HERC3: variants seen among roughly 807,000 people sequenced by gnomAD.
HERC3 encodes the protein probable E3 ubiquitin-protein ligase HERC3.
A neutral mutation model predicts 129.9 loss-of-function variants in HERC3; 58 were observed. The observed-to-expected ratio is 0.45, with a 90% CI of 0.36 to 0.56. The LOEUF (loss-of-function observed/expected upper bound fraction) is 0.56. Among genes scored for constraint, HERC3 ranks in the 20% least tolerant of loss-of-function variants. The pLI, the probability that HERC3 is intolerant of heterozygous loss-of-function variation, is 0.00. For synonymous variants in HERC3, 430 were observed against 451.0 expected (o/e 0.95, Z 0.59); for missense variants, 835 against 1,244.2 (o/e 0.67, Z 4.95).
intron 16 of HERC3, among the ~76,000 whole-genome samples, chr4:88,675,397 T>C (rs1382779222): frequency 1.3e-5 from 2 of 152,200 alleles, no homozygotes; most frequent in Non-Finnish European, 2.9e-5. Flanking sequence ...ACTAATTTTG[T>C]TTAGGATATC....
chr4:88,621,951 C>T (rs1386458171), intron 3 of HERC3, among the ~76,000 whole-genome samples: 1 of 152,196 alleles, frequency 6.6e-6, no homozygotes, highest in African/African-American at 2.4e-5. Context: ...ACCCATCCTC[C>T]ACTGTGACAC....
chr4:88,614,416 C>T (rs78954059), intron 3 of HERC3, among the ~76,000 whole-genome samples: 193 of 152,242 alleles, frequency 1.3e-3, no homozygotes, highest in African/African-American at 4.0e-3. Flanking sequence ...TATTGTCAAA[C>T]TTGTTTACAT....
chr4:88,663,910 G>A (rs1030771027), intron 11 of HERC3, among the ~76,000 whole-genome samples: 6 of 152,050 alleles, frequency 3.9e-5, no homozygotes, highest in African/African-American at 1.4e-4. Context: ...GGGACAAGAG[G>A]TTTTCTTTCA....
intron 3 of HERC3, among the ~76,000 whole-genome samples, chr4:88,634,733 A>G (rs1174749075): frequency 2.1e-5 from 3 of 145,952 alleles, no homozygotes; most frequent in African/African-American, 5.1e-5. Flanking sequence ...CAGACATCCT[A>G]TACAGGAGCA....
the HERC3 span, among the ~76,000 whole-genome samples, chr4:88,525,636 G>A: frequency 1.3e-5 from 2 of 152,194 alleles, no homozygotes; most frequent in African/African-American, 4.8e-5. Flanking sequence ...AGAATAGAGA[G>A]TAACAGCAAA....
intron 3 of HERC3, among the ~76,000 whole-genome samples, chr4:88,610,601 C>T (rs984124150): frequency 1.3e-5 from 2 of 152,190 alleles, no homozygotes; most frequent in African/African-American, 4.8e-5. Flanking sequence ...CCTCTTCCCA[C>T]CCTCCTTGTC....
intron 3 of HERC3, among the ~76,000 whole-genome samples, chr4:88,626,989 A>C (rs1199795285): frequency 1.3e-5 from 2 of 152,080 alleles, no homozygotes; most frequent in Non-Finnish European, 2.9e-5. Context: ...AACCTAAATC[A>C]CTGATTTATA....
At chr4:88,533,100 A>G in the HERC3 span, among the ~76,000 whole-genome samples, 2 of 152,198 alleles carry the variant, frequency 1.3e-5, no homozygotes, top group Non-Finnish European at 2.9e-5. Context: ...AGGCCGGAGA[A>G]TCCCTGGCGA....
the HERC3 span, among the ~76,000 whole-genome samples, chr4:88,582,648 C>G: frequency 6.6e-6 from 1 of 152,192 alleles, no homozygotes; most frequent in Non-Finnish European, 1.5e-5. Context: ...TCACCATGCC[C>G]AGACAGGATA....
intron 12 of HERC3, among the ~76,000 whole-genome samples, chr4:88,665,272 C>T (rs1449413990): frequency 6.6e-6 from 1 of 152,100 alleles, no homozygotes; most frequent in Non-Finnish European, 1.5e-5. Flanking sequence ...GAGAACCAGG[C>T]GAGCCAGCAT....
the HERC3 span, among the ~76,000 whole-genome samples, chr4:88,561,373 A>C: frequency 6.6e-6 from 1 of 152,076 alleles, no homozygotes; most frequent in African/African-American, 2.4e-5. Flanking sequence ...ATTTAAAAAA[A>C]TTTTATGGGT....
intron 3 of HERC3, among the ~76,000 whole-genome samples, chr4:88,648,734 T>G (rs1223314831): frequency 2.0e-5 from 3 of 152,156 alleles, no homozygotes; most frequent in Non-Finnish European, 4.4e-5. Context: ...GATTTTTTTT[T>G]GAAATATTTA....
rs758894081 is a variant in HERC3, at chr4:88,692,868, G to T, written c.2657+5569G>T. 37 of 985,102 alleles carry T rather than the reference G, an allele frequency of 3.8e-5. 1 individual carries two copies. Among genetic ancestry groups the T allele is most frequent in the Non-Finnish European group, 4.3e-5 (36 of 829,676 alleles). The allele number at this position is 985,102 out of a possible 1,614,324, so 61.0% of individuals were successfully genotyped here. A position where few individuals can be genotyped will look rare whatever the true frequency, so the allele number is the denominator to read the frequency against. ...ATGGCCTCTCAGGGGCTAAGGCTGG[G>T]GCTCAAGAGTTCCCATCCTCCTTTC... On this transcript the variant is annotated intron_variant, in intron 23 of 25. Coordinates refer to ENST00000402738, the MANE Select transcript of HERC3 (RefSeq NM_014606.3).
At chr4:88,568,063 T>C in the HERC3 span, among the ~76,000 whole-genome samples, 1 of 152,256 alleles carries the variant, frequency 6.6e-6, no homozygotes, top group Non-Finnish European at 1.5e-5. Context: ...TGGTCTTGTG[T>C]AAGATAAGAG....
chr4:88,534,124 G>T, the HERC3 span, among the ~76,000 whole-genome samples: 1 of 152,314 alleles, frequency 6.6e-6, no homozygotes, highest in East Asian at 1.9e-4. Context: ...TTATGACTAG[G>T]ATCATACTGA....
the HERC3 span, among the ~76,000 whole-genome samples, chr4:88,537,366 G>A: frequency 9.9e-5 from 15 of 152,060 alleles, no homozygotes; most frequent in South Asian, 2.1e-4. Flanking sequence ...AAGTTTACTT[G>A]CAGCAAGTCT....
chr4:88,696,135 A>G (rs1734575596), intron 23 of HERC3: 1 of 152,632 alleles, frequency 6.6e-6, no homozygotes. Context: ...TCACATTTAC[A>G]TAGCAAAATA....
At chr4:88,642,121 A>T (rs1578225428) in intron 3 of HERC3, among the ~76,000 whole-genome samples, 1 of 131,892 alleles carries the variant, frequency 7.6e-6, no homozygotes, top group Non-Finnish European at 1.5e-5. Context: ...ACAGAGCGAG[A>T]CTCTGTCTCA....
At chr4:88,662,309 G>T in intron 10 of HERC3, 122 bp from the exon 11 acceptor site, 1 of 932,410 alleles carries the variant, frequency 1.1e-6, no homozygotes. Context: ...GGATCTGGGC[G>T]GCACACTGCA....
Sources: gnomAD v4.1 joint callset for allele counts (sites outside exome capture counted in the v4.1 genomes callset) on GRCh38, gnomAD v4.1.1 for gene constraint, MANE v1.5 for transcripts, NCBI Gene and HGNC (gene_info 2026-07-23, HGNC 2026-07-21) for gene names.